RABGAP1L: variants seen among roughly 807,000 people sequenced by gnomAD.
RABGAP1L encodes rab GTPase-activating protein 1-like.
Under a neutral mutation model 137.7 loss-of-function variants are expected in RABGAP1L, and 63 were observed. The observed-to-expected ratio is 0.46, with a 90% CI of 0.37 to 0.56. The LOEUF (loss-of-function observed/expected upper bound fraction) is 0.56. Among genes scored for constraint, RABGAP1L ranks in the 20% least tolerant of loss-of-function variants. The pLI, the probability that RABGAP1L is intolerant of heterozygous loss-of-function variation, is 0.00. For synonymous variants in RABGAP1L, 431 were observed against 433.7 expected (o/e 0.99, Z 0.08); for missense variants, 1,095 against 1,244.0 (o/e 0.88, Z 1.80).
intron 19 of RABGAP1L, among the ~76,000 whole-genome samples, chr1:174,909,592 G>T (rs1295666325): frequency 6.6e-6 from 1 of 152,088 alleles, no homozygotes; most frequent in African/African-American, 2.4e-5. Flanking sequence ...CAATAGAAAA[G>T]ATCAACAAAG....
At chr1:174,946,806 C>T (rs1230417626) in intron 19 of RABGAP1L, among the ~76,000 whole-genome samples, 2 of 147,026 alleles carry the variant, frequency 1.4e-5, no homozygotes, top group African/African-American at 5.1e-5. Context: ...GAGGCTGAGG[C>T]AGGAGAATCG....
intron 11 of RABGAP1L, among the ~76,000 whole-genome samples, chr1:174,339,087 A>G (rs1332722773): frequency 1.3e-5 from 2 of 152,200 alleles, no homozygotes; most frequent in Non-Finnish European, 2.9e-5. Context: ...ATTTTATTAT[A>G]TAATAGATTT....
chr1:174,643,535 C>A (rs1203985257), intron 14 of RABGAP1L, among the ~76,000 whole-genome samples: 1 of 152,110 alleles, frequency 6.6e-6, no homozygotes, highest in Non-Finnish European at 1.5e-5. Context: ...ACAGTGAATT[C>A]TTTCAGGTCT....
intron 13 of RABGAP1L, among the ~76,000 whole-genome samples, chr1:174,454,137 C>T (rs1450205013): frequency 2.6e-5 from 4 of 152,038 alleles, no homozygotes; most frequent in Admixed American, 2.0e-4. Context: ...GTGACATGCA[C>T]CTGTAGTCCC....
chr1:174,879,225 C>G (rs1653732981), intron 19 of RABGAP1L, among the ~76,000 whole-genome samples: 1 of 151,928 alleles, frequency 6.6e-6, no homozygotes, highest in African/African-American at 2.4e-5. Flanking sequence ...TTCAGCCTCC[C>G]AAGTAGCTGG....
intron 19 of RABGAP1L, among the ~76,000 whole-genome samples, chr1:174,931,047 A>G (rs1016261919): frequency 1.2e-4 from 19 of 152,162 alleles, no homozygotes; most frequent in Non-Finnish European, 2.6e-4. Flanking sequence ...ACATTTAAAA[A>G]TCATCCCATC....
intron 19 of RABGAP1L, among the ~76,000 whole-genome samples, chr1:174,863,590 G>GCT (rs1477208504): frequency 2.0e-5 from 3 of 149,308 alleles, no homozygotes; most frequent in South Asian, 2.1e-4. Flanking sequence ...GGAGAATGGT[G>GCT]TGAACCCGGG....
chr1:174,917,577 T>A (rs529656573), intron 19 of RABGAP1L, among the ~76,000 whole-genome samples: 1 of 152,316 alleles, frequency 6.6e-6, no homozygotes, highest in East Asian at 1.9e-4. Context: ...TCACTGCAGA[T>A]CTAAGCTGCA....
intron 3 of RABGAP1L, among the ~76,000 whole-genome samples, chr1:174,225,827 G>C (rs1452065504): frequency 6.6e-6 from 1 of 152,132 alleles, no homozygotes; most frequent in African/African-American, 2.4e-5. Context: ...AGCACTTTAT[G>C]ACAAAGTGGT....
At chr1:174,401,132 C>T (rs1344363005) in intron 13 of RABGAP1L, among the ~76,000 whole-genome samples, 1 of 152,056 alleles carries the variant, frequency 6.6e-6, no homozygotes, top group Non-Finnish European at 1.5e-5. Flanking sequence ...TCACTCTCCA[C>T]TTCAGAAGGA....
chr1:174,397,181 C>T (rs1002923270), intron 13 of RABGAP1L, among the ~76,000 whole-genome samples: 3 of 152,094 alleles, frequency 2.0e-5, no homozygotes, highest in African/African-American at 7.2e-5. Context: ...AAATCATTTT[C>T]ATTGAATAAA....
intron 13 of RABGAP1L, among the ~76,000 whole-genome samples, chr1:174,615,697 C>T (rs1156428797): frequency 6.6e-6 from 1 of 152,178 alleles, no homozygotes; most frequent in Admixed American, 6.5e-5. Flanking sequence ...CCTACAGAGG[C>T]AGGCAGGCCT....
intron 15 of RABGAP1L, among the ~76,000 whole-genome samples, chr1:174,695,785 T>C (rs1679207509): frequency 6.6e-6 from 1 of 152,236 alleles, no homozygotes; most frequent in Non-Finnish European, 1.5e-5. Context: ...TGTTGTGATC[T>C]AAGTCTTTAG....
At chr1:174,274,606 CTGTGTGTGTGTGTGTG>C (rs61468070) in intron 8 of RABGAP1L, among the ~76,000 whole-genome samples, 2 of 146,058 alleles carry the variant, frequency 1.4e-5, no homozygotes, top group African/African-American at 5.1e-5. Flanking sequence ...ACAGGTGACT[CTGTGTGTGTGTGTGTG>C]TGTGTGTGTG....
At chr1:174,527,901 CTTTT>C (rs57707616) in intron 13 of RABGAP1L, among the ~76,000 whole-genome samples, 4 of 124,850 alleles carry the variant, frequency 3.2e-5, no homozygotes, top group East Asian at 2.3e-4. Flanking sequence ...ATATACTTGT[CTTTT>C]TTTTTTTTTT....
intron 17 of RABGAP1L, among the ~76,000 whole-genome samples, chr1:174,710,794 T>C (rs1680423418): frequency 6.6e-6 from 1 of 152,226 alleles, no homozygotes; most frequent in South Asian, 2.1e-4. Context: ...TAGCATCATA[T>C]GACAGTATCA....
At chr1:174,225,683 T>C (rs1670116650) in intron 3 of RABGAP1L, among the ~76,000 whole-genome samples, 1 of 152,094 alleles carries the variant, frequency 6.6e-6, no homozygotes, top group South Asian at 2.1e-4. Flanking sequence ...CTTCTTCAGC[T>C]CTCTCCTCTC....
chr1:174,423,822 T>C (rs1214851095), intron 13 of RABGAP1L, among the ~76,000 whole-genome samples: 1 of 152,120 alleles, frequency 6.6e-6, no homozygotes, highest in African/African-American at 2.4e-5. Flanking sequence ...CTTCTGTAGG[T>C]AATTTAAGTA....
intron 13 of RABGAP1L, among the ~76,000 whole-genome samples, chr1:174,498,265 C>T (rs1317679061): frequency 6.6e-6 from 1 of 151,954 alleles, no homozygotes; most frequent in Non-Finnish European, 1.5e-5. Flanking sequence ...TAGAAATATG[C>T]ATATGCTTCC....
Sources: gnomAD v4.1 joint callset for allele counts (sites outside exome capture counted in the v4.1 genomes callset) on GRCh38, gnomAD v4.1.1 for gene constraint, MANE v1.5 for transcripts, NCBI Gene and HGNC (gene_info 2026-07-23, HGNC 2026-07-21) for gene names.